PTBP1: variants seen among roughly 807,000 people sequenced by gnomAD.
The protein encoded by PTBP1 is polypyrimidine tract binding protein 1, also known as polypyrimidine tract-binding protein 1.
Under a neutral mutation model 59.8 loss-of-function variants are expected in PTBP1, and 8 were observed. The ratio of observed to expected loss-of-function variants is 0.13; its 90% CI spans 0.08 to 0.24. The LOEUF is 0.24. Among genes scored for constraint, PTBP1 ranks in the 10% least tolerant of loss-of-function variants. The probability of loss-of-function intolerance (pLI) is 1.00; values close to 1 mark genes in which losing one functional copy is unlikely to be tolerated. For synonymous variants in PTBP1, 490 were observed against 320.7 expected, an observed-to-expected ratio of 1.53 and a Z score of -5.64; for missense variants, 686 against 767.0, an observed-to-expected ratio of 0.89 and a Z score of 1.25.
In PTBP1 at chr19:810,926, A is replaced by G; in HGVS notation, c.*100A>G. The G allele has an allele frequency of 1.7e-6, 2 of 1,207,372 alleles. No homozygotes were observed. Among genetic ancestry groups the G allele is most frequent in the East Asian group, 2.8e-5 (1 of 35,960 alleles). The allele number at this position is 1,207,372 out of a possible 1,614,324, so 74.8% of individuals were successfully genotyped here. On this transcript the variant is annotated 3_prime_UTR_variant, in exon 15 of 15. Transcript: ENST00000356948. ...CTGAAGTGACCTTAGCAGACCAGAG[A>G]TTTTATTTTTTTAAAGAGAAATCAG...
chr19:799,225 AG>A, intron 1 of PTBP1, 187 bp from the exon 2 acceptor site: 2 of 696,462 alleles, frequency 2.9e-6, no homozygotes, highest in Non-Finnish European at 5.2e-6. Context: ...TTCAAGTTGC[AG>A]TCAAGTGGAC....
Position 808,068 on chromosome 19 carries a change from A to C in PTBP1, c.1153+166A>C. 8.6e-6 allele frequency: 6 copies of C among 701,482 alleles called. No individual in the cohort carries two copies. Among genetic ancestry groups the C allele is most frequent in the Non-Finnish European group, 1.5e-5 (6 of 394,188 alleles). The allele number at this position is 701,482 out of a possible 1,614,324, so 43.5% of individuals were successfully genotyped here. On this transcript the variant is annotated intron_variant, in intron 11 of 14. Coordinates refer to ENST00000356948, the MANE Select transcript of PTBP1 (RefSeq NM_002819.5). The surrounding 1 kb of genome is among the most constrained non-coding windows in gnomAD (Gnocchi z 4.7). Reference sequence around the variant, plus strand: ...GCGAATTTTATTTGGTCCCGTAGATACGTACGCATGGTTTATCGCCCTGCA... The same window carrying C: ...GCGAATTTTATTTGGTCCCGTAGATCCGTACGCATGGTTTATCGCCCTGCA...
chr19:807,955 T>C, intron 11 of PTBP1, 53 bp downstream of exon 11: 5 of 1,502,866 alleles, frequency 3.3e-6, no homozygotes, highest in Non-Finnish European at 4.6e-6. Context: ...TGAGATGATT[T>C]TGATGCCCTG....
At position 810,761 on chromosome 19, in the gene PTBP1, C is replaced by A; in HGVS notation, c.1609C>A (p.Leu537Met). 1 of 1,607,330 alleles carries A rather than the reference C, an allele frequency of 6.2e-7. No individual in the cohort carries two copies. The highest frequency in any genetic ancestry group is 1.1e-5 in the South Asian group (1 of 89,880). ...GGAGGCGGTCCAGGCCCTCATTGAC[C>A]TGCACAACCACGACCTCGGGGAGAA... Reference protein sequence around the residue: ...VEEAVQALIDLHNHDLGENHH... With the variant: ...VEEAVQALIDMHNHDLGENHH... The change falls in exon 15 of 15, where the codon CTG becomes ATG. Residue 537 changes from leucine to methionine, a missense_variant. By Grantham distance (15) the Leu-to-Met change is conservative. Coordinates refer to ENST00000356948, the MANE Select transcript of PTBP1 (RefSeq NM_002819.5).
At chr19:810,024 G>A (rs552279936) in intron 13 of PTBP1, among the ~76,000 whole-genome samples, 5 of 152,148 alleles carry the variant, frequency 3.3e-5, no homozygotes, top group Non-Finnish European at 4.4e-5. Context: ...AATCAACAAG[G>A]GGCCTGGCAG....
chr19:808,160 C>G lies in PTBP1; in HGVS notation c.1154-200C>G. On this transcript the variant is annotated intron_variant, in intron 11 of 14. Transcript: ENST00000356948. The surrounding 1 kb of genome is among the most constrained non-coding windows in gnomAD (Gnocchi z 4.7). ...GGCCACCCGCTGGCAGCTTACCTGTCCTGGATGCTATGACTTTGCTGAACG... is the reference window on the plus strand; with the variant it reads ...GGCCACCCGCTGGCAGCTTACCTGTGCTGGATGCTATGACTTTGCTGAACG... 1.6e-6 allele frequency: 1 copy of G among 638,614 alleles called. No homozygotes were observed. The highest frequency in any genetic ancestry group is 1.9e-5 in the South Asian group (1 of 52,366). 39.6% of individuals were successfully genotyped at this position (638,614 alleles called of 1,614,324 possible).
chr19:802,893 G>A (rs2034397748), intron 2 of PTBP1, among the ~76,000 whole-genome samples: 1 of 152,250 alleles, frequency 6.6e-6, no homozygotes, highest in Non-Finnish European at 1.5e-5. Context: ...CAGGTCAGAA[G>A]TGATGGAGCC....
At chr19:798,916 CCTG>C (rs2034202557) in intron 1 of PTBP1, among the ~76,000 whole-genome samples, 1 of 152,246 alleles carries the variant, frequency 6.6e-6, no homozygotes, top group Non-Finnish European at 1.5e-5. Context: ...ACGGCCGCCT[CCTG>C]CTCTCCTCGG....
Position 804,923 on chromosome 19 carries a change from C to T in PTBP1, c.701C>T (p.Ala234Val). 2 of 1,613,810 alleles carry T rather than the reference C, an allele frequency of 1.2e-6. No homozygotes were observed. Among genetic ancestry groups the T allele is most frequent in the Non-Finnish European group, 1.7e-6 (2 of 1,179,840 alleles). ...CTGCAGTATGCGGACCCCGTGAGCGCCCAGCACGCCAAGCTGGTGAGTGGG... is the reference window on the plus strand; with the variant it reads ...CTGCAGTATGCGGACCCCGTGAGCGTCCAGCACGCCAAGCTGGTGAGTGGG... ...ALLQYADPVS[A>V]QHAKLSLDGQ... The change falls in exon 7 of 15, where the codon GCC (alanine) becomes GTC (valine). Residue 234 changes from alanine to valine, a missense_variant. Physicochemically the swap from Ala to Val is moderately conservative, Grantham distance 64 (BLOSUM62 0). Coordinates refer to ENST00000356948, the MANE Select transcript of PTBP1 (RefSeq NM_002819.5).
rs2034670494 is a variant in PTBP1, at chr19:808,277, G to C, written c.1154-83G>C. ...CCGGCCGGGCTGAGCCGGGCCTTGT[G>C]GGGGTGCGCGGGGCCGGGGCTGACG... On this transcript the variant is annotated intron_variant, in intron 11 of 14. Transcript: ENST00000356948. The surrounding 1 kb of genome is among the most constrained non-coding windows in gnomAD (Gnocchi z 4.7). The C allele has an allele frequency of 2.5e-6, 3 of 1,185,606 alleles. No individual in the cohort carries two copies. The highest frequency in any genetic ancestry group is 1.3e-5 in the South Asian group (1 of 75,642). 73.4% of individuals were successfully genotyped at this position (1,185,606 alleles called of 1,614,324 possible).
chr19:809,188 T>C (rs2034729539), intron 13 of PTBP1, among the ~76,000 whole-genome samples: 1 of 152,038 alleles, frequency 6.6e-6, no homozygotes, highest in Non-Finnish European at 1.5e-5. Context: ...TTTGTATTTT[T>C]AGTAGAGACG....
chr19:801,345 C>T (rs951640424), intron 2 of PTBP1, among the ~76,000 whole-genome samples: 5 of 152,210 alleles, frequency 3.3e-5, no homozygotes, highest in African/African-American at 9.6e-5. Flanking sequence ...GCTGGGGCGC[C>T]GTTGAGCTGA....
chr19:804,007 G>C, intron 3 of PTBP1, 29 bp from the exon 4 acceptor site: 1 of 1,613,298 alleles, frequency 6.2e-7, no homozygotes, highest in Non-Finnish European at 8.5e-7. Flanking sequence ...GCGAGTTGGT[G>C]CCTGCATCTC....
chr19:803,019 TC>T (rs1413016384), intron 2 of PTBP1, among the ~76,000 whole-genome samples: 1 of 152,166 alleles, frequency 6.6e-6, no homozygotes, highest in African/African-American at 2.4e-5. Flanking sequence ...GGGTTTCTTT[TC>T]CGGGCTGGAA....
chr19:805,069 C>T lies in PTBP1; in HGVS notation c.774C>T (p.Ser258=), dbSNP rs200335883. ...NACCTLRIDF[S]KLTSLNVKYN... ...GCTGCACGCTGCGCATCGACTTTTC[C>T]AAGCTCACCAGCCTCAACGTCAAGT... The change falls in exon 8 of 15, where the codon TCC becomes TCT. Residue 258 remains serine (S), a synonymous_variant. Transcript: ENST00000356948. 2 of 1,613,912 alleles carry T rather than the reference C, an allele frequency of 1.2e-6. No homozygotes were observed. The highest frequency in any genetic ancestry group is 2.2e-5 in the East Asian group (1 of 44,882).
At position 811,057 on chromosome 19, in the gene PTBP1, C is replaced by T. The variant is rs780283081; in HGVS notation, c.*231C>T. The T allele has an allele frequency of 4.3e-6, 2 of 465,940 alleles. No individual in the cohort carries two copies. Among genetic ancestry groups the T allele is most frequent in the Non-Finnish European group, 7.4e-6 (2 of 272,070 alleles). The allele number at this position is 465,940 out of a possible 1,614,324, so 28.9% of individuals were successfully genotyped here. The stretch of plus-strand genomic sequence containing the variant: ...TGTGGCAGCGGGAGTTCCCGGCCCT[C>T]CACACCCGGGGCCAGACCCTCGGGG... On this transcript the variant is annotated 3_prime_UTR_variant, in exon 15 of 15. Transcript: ENST00000356948.
chr19:800,147 G>A (rs957025590), intron 2 of PTBP1, among the ~76,000 whole-genome samples: 5 of 146,314 alleles, frequency 3.4e-5, no homozygotes, highest in South Asian at 2.2e-4. Context: ...GAACATTGTT[G>A]GCCAGGCTGG....
At chr19:798,745 A>T (rs943865254) in intron 1 of PTBP1, among the ~76,000 whole-genome samples, 2 of 152,166 alleles carry the variant, frequency 1.3e-5, no homozygotes, top group Admixed American at 1.3e-4. Flanking sequence ...TTGGGTCAGG[A>T]CCTGGCCGGG....
chr19:809,894 C>T, intron 13 of PTBP1, among the ~76,000 whole-genome samples: 1 of 152,154 alleles, frequency 6.6e-6, no homozygotes, highest in Admixed American at 6.6e-5. Context: ...GAGTAAGACC[C>T]TGTCTGTAAA....
Sources: allele counts gnomAD v4.1 joint callset (sites outside exome capture counted in the v4.1 genomes callset), GRCh38; gene constraint gnomAD v4.1.1; non-coding constraint Gnocchi (gnomAD v3.1); transcripts MANE v1.5; gene names NCBI Gene and HGNC (gene_info 2026-07-23, HGNC 2026-07-21).